Variants in PROZ observed in about 807,000 individuals in gnomAD.
PROZ encodes the protein protein Z, vitamin K dependent plasma glycoprotein, also known as vitamin K-dependent protein Z.
A neutral mutation model predicts 34.9 loss-of-function variants in PROZ; 46 were observed. The ratio of observed to expected loss-of-function variants is 1.32; its 90% CI spans 1.04 to 1.69. The LOEUF is 1.69. Ranked by LOEUF, PROZ falls within the 40% of genes most tolerant of loss-of-function variation. The pLI is 0.00. For synonymous variants in PROZ, 195 were observed against 208.5 expected (o/e 0.94, Z 0.56); for missense variants, 530 against 520.4 (o/e 1.02, Z -0.18).
At chr13:113,164,873 G>T in intron 5 of PROZ, 180 bp from the exon 6 acceptor site, 1 of 930,982 alleles carries the variant, frequency 1.1e-6, no homozygotes. Context: ...AGTGCTGTGA[G>T]GGGTGGTTTA....
Position 113,160,818 on chromosome 13 carries a change from A to G in PROZ, c.235-130A>G, listed in dbSNP as rs2036746202. The stretch of plus-strand genomic sequence containing the variant: ...AGGCTGTAAAACAGGAAAATTGTGC[A>G]TTGTTTCAACCACTATTGTCCTATT... On this transcript the variant is annotated intron_variant, in intron 2 of 7. Transcript: ENST00000375547. 18 of 783,846 alleles carry G rather than the reference A, an allele frequency of 2.3e-5. No homozygotes were observed. The South Asian group carries it at 2.6e-4, about 11-fold the overall frequency. The allele number at this position is 783,846 out of a possible 1,614,324, so 48.6% of individuals were successfully genotyped here.
At chr13:113,170,353 T>A in intron 6 of PROZ, 60 bp from the exon 7 acceptor site, 1 of 1,058,860 alleles carries the variant, frequency 9.4e-7, no homozygotes, top group Non-Finnish European at 1.5e-6. Flanking sequence ...CAGTAGACTT[T>A]ACTGCCCCTA....
At chr13:113,169,503 G>A (rs773781492) in intron 6 of PROZ, among the ~76,000 whole-genome samples, 3 of 152,138 alleles carry the variant, frequency 2.0e-5, no homozygotes, top group Non-Finnish European at 4.4e-5. Flanking sequence ...ATTTTATCCT[G>A]TTAGGTGCTG....
Position 113,163,058 on chromosome 13 carries a change from G to C in PROZ, c.309G>C (p.Gln103His). The C allele has an allele frequency of 6.4e-7, 1 of 1,562,284 alleles. No individual in the cohort carries two copies. The highest frequency in any genetic ancestry group is 2.4e-5 in the East Asian group (1 of 41,912). Residue 103 changes from glutamine (Q) to histidine (H), a missense_variant, in exon 4 of 8, where the codon CAG becomes CAC. By Grantham distance (24) the Gln-to-His change is conservative (BLOSUM62 0). Coordinates refer to ENST00000375547, the MANE Select transcript of PROZ (RefSeq NM_003891.3). ...SQPCLHNGSCQDSIWGYTCTC... is the reference protein window; with the variant it reads ...SQPCLHNGSCHDSIWGYTCTC... ...CCTGCCTCCACAACGGCTCTTGCCA[G>C]GACAGCATCTGGGGCTACACCTGCA...
chr13:113,161,622 G>A (rs1436758775), intron 3 of PROZ, among the ~76,000 whole-genome samples: 7 of 152,144 alleles, frequency 4.6e-5, no homozygotes, highest in Admixed American at 2.6e-4. Flanking sequence ...GCGTGCGGAC[G>A]AAGAAAGGGC....
chr13:113,166,181 T>A (rs1178296770), intron 6 of PROZ: 2 of 152,244 alleles, frequency 1.3e-5, no homozygotes, highest in Non-Finnish European at 2.9e-5. Flanking sequence ...CCACATAATT[T>A]AAAATTTTCT....
chr13:113,159,872 T>A lies in PROZ; in HGVS notation c.71-142T>A. 4.3e-6 allele frequency: 4 copies of A among 921,454 alleles called. No individual in the cohort carries two copies. In the East Asian group the frequency reaches 9.6e-5, roughly 22 times the overall value. The allele number at this position is 921,454 out of a possible 1,614,324, so 57.1% of individuals were successfully genotyped here. A position where few individuals can be genotyped will look rare whatever the true frequency, so the allele number is the denominator to read the frequency against. Reference sequence around the variant, plus strand: ...TACCTCGGGGGAGGGAGTAGCGGGGTGGCCCTGAGGCCCTCGCAGGCTGAG... The same window carrying A: ...TACCTCGGGGGAGGGAGTAGCGGGGAGGCCCTGAGGCCCTCGCAGGCTGAG... On this transcript the variant is annotated intron_variant, in intron 1 of 7. Coordinates refer to ENST00000375547, the MANE Select transcript of PROZ (RefSeq NM_003891.3). The surrounding 1 kb of genome is among the most constrained non-coding windows in gnomAD (Gnocchi z 4.6).
intron 3 of PROZ, among the ~76,000 whole-genome samples, 194 bp downstream of exon 3, chr13:113,161,166 C>T (rs1316281823): frequency 2.0e-5 from 3 of 152,206 alleles, no homozygotes; most frequent in Non-Finnish European, 2.9e-5. Context: ...GCTCTGCCAC[C>T]AGGGCCACAG....
In PROZ at chr13:113,171,394, C is replaced by A. The variant is rs184701312; in HGVS notation, c.692-200C>A. ...CCTTGACTGTTTTTAAAGGCTGTGG[C>A]ACTTGGTTGCAATCGTGCAATCTGT... On this transcript the variant is annotated intron_variant, in intron 7 of 7. Coordinates refer to ENST00000375547, the MANE Select transcript of PROZ (RefSeq NM_003891.3). The surrounding 1 kb of genome is among the most constrained non-coding windows in gnomAD (Gnocchi z 5.1). Among the ~76,000 whole-genome samples, 6 of 152,280 alleles carry A rather than the reference C, an allele frequency of 3.9e-5. No homozygotes were observed. In the East Asian group the frequency reaches 5.8e-4, roughly 15 times the overall value.
rs781485724 is a variant in PROZ at position 113,160,971 on chromosome 13, G to C, written c.258G>C (p.Lys86Asn). 3.6e-5 allele frequency: 58 copies of C among 1,606,516 alleles called. No homozygotes were observed. Among genetic ancestry groups the C allele is most frequent in the Admixed American group, 5.0e-5 (3 of 60,000 alleles). ...VVTDEFWRRY[K>N]GGSPCISQPC... ...AGGATGAATTCTGGAGACGATATAA[G>C]GGTAAGTGGTTTCCTTCGTCTCCTC... is the stretch of plus-strand genomic sequence containing the variant. Residue 86 changes from lysine to asparagine, a missense_variant and splice_region_variant, in exon 3 of 8, where the codon AAG (lysine) becomes AAC (asparagine). Physicochemically the swap from Lys to Asn is moderately conservative, Grantham distance 94 (BLOSUM62 0). Transcript: ENST00000375547.
chr13:113,169,041 AT>A (rs924393395), intron 6 of PROZ, among the ~76,000 whole-genome samples: 14 of 151,746 alleles, frequency 9.2e-5, no homozygotes, highest in Non-Finnish European at 1.2e-4. Flanking sequence ...TTATTTTCAG[AT>A]TTTTTTTCTC....
intron 4 of PROZ, among the ~76,000 whole-genome samples, chr13:113,163,417 G>A (rs918084836): frequency 3.9e-5 from 6 of 152,160 alleles, no homozygotes; most frequent in East Asian, 1.9e-4. Context: ...CTGCTCACAG[G>A]CTGGGGGGGT....
intron 3 of PROZ, among the ~76,000 whole-genome samples, 160 bp from the exon 4 acceptor site, chr13:113,162,849 C>CAT (rs1321706517): frequency 7.0e-6 from 1 of 142,138 alleles, no homozygotes; most frequent in Non-Finnish European, 1.5e-5. Context: ...TGTCACCCCA[C>CAT]CCTCCTCCTG....
intron 3 of PROZ, 95 bp downstream of exon 3, chr13:113,161,067 T>TCC: frequency 8.8e-7 from 1 of 1,130,012 alleles, no homozygotes; most frequent in South Asian, 1.2e-5. Context: ...GCTCAGCGGA[T>TCC]GCCAAGCCTC....
At chr13:113,164,153 T>G (rs1003291610) in intron 4 of PROZ, among the ~76,000 whole-genome samples, 1 of 152,094 alleles carries the variant, frequency 6.6e-6, no homozygotes, top group African/African-American at 2.4e-5. Flanking sequence ...CTAATTTTTG[T>G]ATTTTTAGTA....
chr13:113,163,609 GA>G (rs1360483807), intron 4 of PROZ, among the ~76,000 whole-genome samples: 1 of 152,122 alleles, frequency 6.6e-6, no homozygotes, highest in African/African-American at 2.4e-5. Context: ...TTTCTCTGGG[GA>G]AAACCTTCCT....
chr13:113,160,957 T>G lies in PROZ; in HGVS notation c.244T>G (p.Trp82Gly). 1 of 1,605,466 alleles carries G rather than the reference T, an allele frequency of 6.2e-7. No homozygotes were observed. The highest frequency in any genetic ancestry group is 8.5e-7 in the Non-Finnish European group (1 of 1,172,582). The change falls in exon 3 of 8, where the codon TGG becomes GGG. Residue 82 changes from tryptophan (W) to glycine (G), a missense_variant. By Grantham distance (184) the Trp-to-Gly change is radical. Transcript: ENST00000375547. ...TGTTTTAACTCTAAAGGATGAATTCTGGAGACGATATAAGGGTAAGTGGTT... is the reference window on the plus strand; with the variant it reads ...TGTTTTAACTCTAAAGGATGAATTCGGGAGACGATATAAGGGTAAGTGGTT... The part of the protein sequence containing the change: ...FENEVVTDEF[W>G]RRYKGGSPCI...
chr13:113,159,880 A>G lies in PROZ; in HGVS notation c.71-134A>G, dbSNP rs553709718. On this transcript the variant is annotated intron_variant, in intron 1 of 7. Transcript: ENST00000375547. This position sits in a 1 kb window ranked among gnomAD's most constrained non-coding sequence, Gnocchi z 4.6. Reference sequence around the variant, plus strand: ...GGGAGGGAGTAGCGGGGTGGCCCTGAGGCCCTCGCAGGCTGAGAGCCTGTG... The same window carrying G: ...GGGAGGGAGTAGCGGGGTGGCCCTGGGGCCCTCGCAGGCTGAGAGCCTGTG... The G allele has an allele frequency of 9.6e-7, 1 of 1,039,746 alleles. No individual in the cohort carries two copies. Among genetic ancestry groups the G allele is most frequent in the East Asian group, 2.4e-5 (1 of 42,204 alleles). 64.4% of individuals were successfully genotyped at this position (1,039,746 alleles called of 1,614,324 possible).
intron 6 of PROZ, among the ~76,000 whole-genome samples, chr13:113,166,892 C>G (rs2036952554): frequency 6.6e-6 from 1 of 152,078 alleles, no homozygotes; most frequent in Non-Finnish European, 1.5e-5. Context: ...AGTCTGCAAC[C>G]GTAGCACTCA....
Sources: allele counts gnomAD v4.1 joint callset (sites outside exome capture counted in the v4.1 genomes callset), GRCh38; gene constraint gnomAD v4.1.1; non-coding constraint Gnocchi (gnomAD v3.1); transcripts MANE v1.5; gene names NCBI Gene and HGNC (gene_info 2026-07-23, HGNC 2026-07-21).